DAGLA: variants seen among roughly 807,000 people sequenced by gnomAD.
The protein encoded by DAGLA is diacylglycerol lipase-alpha.
In DAGLA, 22 loss-of-function variants were observed where a neutral mutation model predicts 102.6. The ratio of observed to expected loss-of-function variants is 0.21; its 90% CI spans 0.15 to 0.31. DAGLA has a LOEUF of 0.31. Among genes scored for constraint, DAGLA ranks in the 10% least tolerant of loss-of-function variants. The pLI is 1.00. For synonymous variants in DAGLA, 578 were observed against 628.9 expected, an observed-to-expected ratio of 0.92 and a Z score of 1.21; for missense variants, 927 against 1,446.6, an observed-to-expected ratio of 0.64 and a Z score of 5.83.
chr11:61,710,308 G>A (rs143247408), intron 1 of DAGLA, among the ~76,000 whole-genome samples: 2 of 151,876 alleles, frequency 1.3e-5, no homozygotes, highest in East Asian at 3.9e-4. Flanking sequence ...AGGAGCAGAG[G>A]GTGGGGCCAG....
intron 1 of DAGLA, among the ~76,000 whole-genome samples, chr11:61,687,301 A>T (rs1261014475): frequency 6.7e-6 from 1 of 150,220 alleles, no homozygotes; most frequent in East Asian, 1.9e-4. Flanking sequence ...CACCTCCTCC[A>T]TGAGGCCATT....
At chr11:61,743,413 A>G in intron 19 of DAGLA, 119 bp from the exon 20 acceptor site, 1 of 721,304 alleles carries the variant, frequency 1.4e-6, no homozygotes, top group Non-Finnish European at 2.2e-6. Flanking sequence ...CACATCATCA[A>G]CAACTGCTAA....
intron 1 of DAGLA, among the ~76,000 whole-genome samples, chr11:61,706,061 C>T (rs367642149): frequency 3.9e-5 from 6 of 152,330 alleles, no homozygotes; most frequent in African/African-American, 1.2e-4. Context: ...AGAATGAAAT[C>T]GTCAAGGACT....
chr11:61,702,218 C>G (rs1332507723), intron 1 of DAGLA, among the ~76,000 whole-genome samples: 1 of 152,170 alleles, frequency 6.6e-6, no homozygotes, highest in East Asian at 1.9e-4. Context: ...GGTTCTCTCT[C>G]TCTTTCTCTC....
chr11:61,694,707 G>C (rs2065050253), intron 1 of DAGLA, among the ~76,000 whole-genome samples: 1 of 152,202 alleles, frequency 6.6e-6, no homozygotes. Flanking sequence ...GTGGCTCCGT[G>C]GGGAGGAAGG....
chr11:61,698,372 C>A (rs1419398736), intron 1 of DAGLA, among the ~76,000 whole-genome samples: 1 of 152,266 alleles, frequency 6.6e-6, no homozygotes, highest in East Asian at 1.9e-4. Flanking sequence ...ACATCTTGCT[C>A]ACAGCAGATG....
chr11:61,730,487 C>T lies in DAGLA; in HGVS notation c.850-830C>T, dbSNP rs530188853. 1.8e-3 allele frequency among the ~76,000 whole-genome samples: 271 copies of T among 149,954 alleles called. 8 individuals are homozygous for T. The South Asian group carries it at 0.031, about 17-fold the overall frequency. Reference sequence around the variant, plus strand: ...CTCCGGGCCCTGATCAAGGTGCCACCTATTTCACTTCACAAGGTGACTAAC... The same window carrying T: ...CTCCGGGCCCTGATCAAGGTGCCACTTATTTCACTTCACAAGGTGACTAAC... On this transcript the variant is annotated intron_variant, in intron 8 of 19. Coordinates refer to ENST00000257215, the MANE Select transcript of DAGLA (RefSeq NM_006133.3).
intron 3 of DAGLA, 98 bp from the exon 4 acceptor site, chr11:61,722,761 T>C: frequency 9.6e-7 from 1 of 1,038,878 alleles, no homozygotes; most frequent in Non-Finnish European, 1.5e-6. Flanking sequence ...CTGAGCTGGC[T>C]GAAAGCCCAG....
At chr11:61,713,254 T>C (rs370219384) in intron 1 of DAGLA, among the ~76,000 whole-genome samples, 181 of 152,334 alleles carry the variant, frequency 1.2e-3, no homozygotes, top group African/African-American at 4.0e-3. Flanking sequence ...AGCTGAATCC[T>C]GCTTCTCAGA....
chr11:61,715,566 A>T (rs368129764), intron 1 of DAGLA, among the ~76,000 whole-genome samples: 1 of 152,164 alleles, frequency 6.6e-6, no homozygotes. Flanking sequence ...CCCACAGGGT[A>T]CCTTAGGACG....
chr11:61,740,699 T>C, intron 18 of DAGLA, 107 bp downstream of exon 18: 2 of 1,458,138 alleles, frequency 1.4e-6, no homozygotes, highest in Admixed American at 1.8e-5. Context: ...ACAAGGGTGC[T>C]GGGGCTCAGA....
rs1356071947 is a variant in DAGLA, at chr11:61,744,505, G to A, written c.*16G>A. ...AGCACGCTAGCACCCCAGTTGCGTG[G>A]CCAGCCGGGCCCAGGCAGGAGCAGG... is the stretch of plus-strand genomic sequence containing the variant. On this transcript the variant is annotated 3_prime_UTR_variant, in exon 20 of 20. Coordinates refer to ENST00000257215, the MANE Select transcript of DAGLA (RefSeq NM_006133.3). 1 of 1,526,488 alleles carries A rather than the reference G, an allele frequency of 6.6e-7. No homozygotes were observed. The highest frequency in any genetic ancestry group is 2.3e-5 in the East Asian group (1 of 43,988). The allele number at this position is 1,526,488 out of a possible 1,614,324, so 94.6% of individuals were successfully genotyped here.
At position 61,734,243 on chromosome 11, in the gene DAGLA, C is replaced by T. The variant is rs906869947; in HGVS notation, c.975-606C>T. The stretch of plus-strand genomic sequence containing the variant: ...AGGGAAGCCGAGTACGTGTACTGAC[C>T]GAGTGGCATGGCCGTGGGGGTGAGG... On this transcript the variant is annotated intron_variant, in intron 9 of 19. Coordinates refer to ENST00000257215, the MANE Select transcript of DAGLA (RefSeq NM_006133.3). The surrounding 1 kb of genome is among the most constrained non-coding windows in gnomAD (Gnocchi z 4.2). Among the ~76,000 whole-genome samples the T allele has an allele frequency of 6.1e-5, 9 of 146,376 alleles. No individual in the cohort carries two copies. Among genetic ancestry groups the T allele is most frequent in the African/African-American group, 1.0e-4 (4 of 39,876 alleles).
At chr11:61,728,011 G>T (rs932113331) in intron 6 of DAGLA, 142 bp from the exon 7 acceptor site, 2 of 907,076 alleles carry the variant, frequency 2.2e-6, no homozygotes, top group Non-Finnish European at 3.4e-6. Context: ...GGGCGCTGTG[G>T]AGGTGCTGGG....
Position 61,684,818 on chromosome 11 carries a change from G to A in DAGLA, c.-45+4314G>A, listed in dbSNP as rs530884183. On this transcript the variant is annotated intron_variant, in intron 1 of 19. Transcript: ENST00000257215. This position sits in a 1 kb window ranked among gnomAD's most constrained non-coding sequence, Gnocchi z 4.5. ...GCTGGCCTGGTGTTGGTGGGTGTGC[G>A]GAGCTGGGGGTTGCCGGGCTCTTCA... 2.1e-3 allele frequency among the ~76,000 whole-genome samples: 327 copies of A among 152,198 alleles called. 8 individuals are homozygous for A. The South Asian group carries it at 0.032, about 15-fold the overall frequency.
chr11:61,722,965 G>A lies in DAGLA; in HGVS notation c.409+5G>A, dbSNP rs777137469. The A allele has an allele frequency of 1.1e-5, 17 of 1,607,836 alleles. No individual in the cohort carries two copies. The highest frequency in any genetic ancestry group is 1.7e-5 in the Admixed American group (1 of 59,998). ...CTGCCAAGAATGTCACCCTCGGTAC[G>A]TCTGGGTGAGGCCTGCTGGAGCCTC... On this transcript the variant is annotated splice_donor_5th_base_variant and intron_variant, in intron 4 of 19. Coordinates refer to ENST00000257215, the MANE Select transcript of DAGLA (RefSeq NM_006133.3).
intron 1 of DAGLA, among the ~76,000 whole-genome samples, chr11:61,685,642 A>G (rs972522596): frequency 6.6e-6 from 1 of 152,100 alleles, no homozygotes; most frequent in African/African-American, 2.4e-5. Flanking sequence ...ATCTGTTGAG[A>G]AGATATAGTT....
At chr11:61,730,728 TCCCA>T (rs1474004593) in intron 8 of DAGLA, among the ~76,000 whole-genome samples, 1 of 152,092 alleles carries the variant, frequency 6.6e-6, no homozygotes, top group Non-Finnish European at 1.5e-5. Context: ...GATCCCAGTC[TCCCA>T]CCAACGCAGC....
rs777934746 is a variant in DAGLA, at chr11:61,686,690, G to A, written c.-45+6186G>A. 6.6e-6 allele frequency among the ~76,000 whole-genome samples: 1 copy of A among 152,202 alleles called. No homozygotes were observed. Among genetic ancestry groups the A allele is most frequent in the Non-Finnish European group, 1.5e-5 (1 of 68,040 alleles). On this transcript the variant is annotated intron_variant, in intron 1 of 19. Transcript: ENST00000257215. This position sits in a 1 kb window ranked among gnomAD's most constrained non-coding sequence, Gnocchi z 5.2. ...GAGGTCGGGACGGTGGCCCTCCGCT[G>A]TGTAAGGTGAGACAGGATGCTGCCT...
Sources: gnomAD v4.1 joint callset for allele counts (sites outside exome capture counted in the v4.1 genomes callset) on GRCh38, gnomAD v4.1.1 for gene constraint, Gnocchi (gnomAD v3.1) non-coding constraint, MANE v1.5 for transcripts, NCBI Gene and HGNC (gene_info 2026-07-23, HGNC 2026-07-21) for gene names.